CDADC1: variants seen among roughly 807,000 people sequenced by gnomAD.
CDADC1 encodes cytidine and dCMP deaminase domain containing 1.
Under a neutral mutation model 54.9 loss-of-function variants are expected in CDADC1, and 39 were observed. The observed-to-expected ratio is 0.71, with a 90% CI of 0.55 to 0.93. The LOEUF is 0.93. Ranked by LOEUF, CDADC1 falls within the 40% of genes least tolerant of loss-of-function variation. The pLI, the probability that CDADC1 is intolerant of heterozygous loss-of-function variation, is 0.00. For missense variants in CDADC1, 518 were observed against 618.8 expected (o/e 0.84, Z 1.73); for synonymous variants, 186 against 204.0 (o/e 0.91, Z 0.75).
At chr13:49,274,665 C>T (rs529994275) in intron 6 of CDADC1, among the ~76,000 whole-genome samples, 4 of 151,052 alleles carry the variant, frequency 2.6e-5, no homozygotes, top group East Asian at 1.9e-4. Context: ...AGCGAGACTC[C>T]GTCTCAAAAA....
At chr13:49,263,620 A>G (rs1273227228) in intron 4 of CDADC1, among the ~76,000 whole-genome samples, 3 of 152,232 alleles carry the variant, frequency 2.0e-5, no homozygotes, top group Non-Finnish European at 2.9e-5. Flanking sequence ...GGCTGTTAAA[A>G]TACTCCTTTT....
At chr13:49,275,010 G>A (rs756434495) in intron 6 of CDADC1, among the ~76,000 whole-genome samples, 11 of 151,760 alleles carry the variant, frequency 7.2e-5, no homozygotes, top group Non-Finnish European at 1.5e-4. Flanking sequence ...TAATATTCTT[G>A]AAGAATAAGA....
chr13:49,291,559 GATAAA>G, intron 9 of CDADC1, 120 bp from the exon 10 acceptor site: 1 of 798,400 alleles, frequency 1.3e-6, no homozygotes, highest in South Asian at 2.3e-5. Flanking sequence ...AGAATTTGAA[GATAAA>G]ATAAAGTGAA....
intron 4 of CDADC1, among the ~76,000 whole-genome samples, chr13:49,265,621 A>G (rs1952797146): frequency 6.6e-6 from 1 of 152,128 alleles, no homozygotes. Flanking sequence ...TCATAAAGCT[A>G]ATGTTATTTA....
rs1330980727 is a variant in CDADC1 at position 49,286,207 on chromosome 13, T to G, written c.1411-15T>G. On this transcript the variant is annotated splice_polypyrimidine_tract_variant and intron_variant, in intron 8 of 9. Coordinates refer to ENST00000251108, the MANE Select transcript of CDADC1 (RefSeq NM_030911.4). ...ATCCTCTTTAAACAAGTAAAATGTT[T>G]GTGCACTCTTACAGTGGCAGCTGAA... 6.2e-7 allele frequency: 1 copy of G among 1,605,886 alleles called. No individual in the cohort carries two copies. The highest frequency in any genetic ancestry group is 1.7e-5 in the Admixed American group (1 of 59,894).
At chr13:49,279,822 T>C (rs1953264654) in intron 7 of CDADC1, among the ~76,000 whole-genome samples, 1 of 152,178 alleles carries the variant, frequency 6.6e-6, no homozygotes, top group South Asian at 2.1e-4. Flanking sequence ...CAGTTGTTAG[T>C]CCTAAACTAC....
intron 9 of CDADC1, among the ~76,000 whole-genome samples, chr13:49,289,374 C>T (rs147707937): frequency 6.0e-4 from 92 of 152,102 alleles, no homozygotes; most frequent in African/African-American, 2.1e-3. Flanking sequence ...GTGATCTGCC[C>T]GCCTTGGCCT....
intron 4 of CDADC1, chr13:49,265,892 A>G: frequency 7.7e-7 from 1 of 1,303,094 alleles, no homozygotes; most frequent in South Asian, 1.2e-5. Context: ...TACTGGAAGC[A>G]GCTAAGATGC....
At position 49,292,501 on chromosome 13, in the gene CDADC1, G is replaced by C. The variant is rs1953740987; in HGVS notation, c.*744G>C. On this transcript the variant is annotated 3_prime_UTR_variant, in exon 10 of 10. Coordinates refer to ENST00000251108, the MANE Select transcript of CDADC1 (RefSeq NM_030911.4). ...AAGAAATATTTGAGTCTGGAATATT[G>C]AAACTAGCTTTCCTAGAATTCCATT... 9.7e-7 allele frequency: 1 copy of C among 1,034,628 alleles called. No individual in the cohort carries two copies. The highest frequency in any genetic ancestry group is 1.7e-5 in the African/African-American group (1 of 58,348). 64.1% of individuals were successfully genotyped at this position (1,034,628 alleles called of 1,614,324 possible).
At chr13:49,267,419 G>T in intron 4 of CDADC1, 71 bp from the exon 5 acceptor site, 2 of 1,200,586 alleles carry the variant, frequency 1.7e-6, no homozygotes, top group Non-Finnish European at 2.4e-6. Flanking sequence ...GCAATGATAG[G>T]GTGGATTTTA....
At position 49,278,399 on chromosome 13, in the gene CDADC1, AT is replaced by A; in HGVS notation, c.1101del (p.Asn367LysfsTer24). 1.2e-6 allele frequency: 2 copies of A among 1,602,388 alleles called. No individual in the cohort carries two copies. Among genetic ancestry groups the A allele is most frequent in the South Asian group, 2.2e-5 (2 of 89,964 alleles). ...GAMYFVGCGY[N>X]AFPVGSEYAD... ...ATGTACTTTGTAGGATGTGGTTACA[AT>A]GCTTTTCCTGTTGGATCTGAGTATG... is the stretch of plus-strand genomic sequence containing the variant. On this transcript the variant is annotated frameshift_variant, in exon 7 of 10. Coordinates refer to ENST00000251108, the MANE Select transcript of CDADC1 (RefSeq NM_030911.4). LOFTEE classifies it high-confidence loss of function.
intron 3 of CDADC1, among the ~76,000 whole-genome samples, chr13:49,258,623 C>A (rs1952603218): frequency 6.6e-6 from 1 of 152,204 alleles, no homozygotes; most frequent in Non-Finnish European, 1.5e-5. Flanking sequence ...CCAGTCCCTG[C>A]TCTGTGGAAT....
rs147933753 is a variant in CDADC1 at position 49,267,762 on chromosome 13, A to G, written c.703A>G (p.Arg235Gly). ...TDFYYECKQE[R>G]IKEYEMLFLV... The stretch of plus-strand genomic sequence containing the variant: ...CTTTTATTATGAATGTAAACAAGAA[A>G]GAATAAAAGAATATGAAATGTTATT... The change falls in exon 5 of 10, where the codon AGA becomes GGA. Residue 235 changes from arginine (R) to glycine (G), a missense_variant. Physicochemically the swap from Arg to Gly is moderately radical, Grantham distance 125. Transcript: ENST00000251108. The G allele has an allele frequency of 4.3e-6, 7 of 1,611,386 alleles. No homozygotes were observed. In the East Asian group the frequency reaches 1.3e-4, roughly 31 times the overall value.
At chr13:49,288,930 C>T (rs1022846591) in intron 9 of CDADC1, among the ~76,000 whole-genome samples, 4 of 151,962 alleles carry the variant, frequency 2.6e-5, no homozygotes, top group African/African-American at 9.7e-5. Context: ...CAATAGTAAG[C>T]GAACACAATA....
rs374242792 is a variant in CDADC1 at position 49,255,946 on chromosome 13, A to G, written c.252+33A>G. On this transcript the variant is annotated intron_variant, in intron 3 of 9. Transcript: ENST00000251108. ...TTTATGATTTCACATATATATGCTC[A>G]TAATAACAAAGCAAAAGGAATAGTA... 1.1e-5 allele frequency: 18 copies of G among 1,594,464 alleles called. No homozygotes were observed. In the African/African-American group the frequency reaches 2.2e-4, roughly 19 times the overall value.
intron 8 of CDADC1, among the ~76,000 whole-genome samples, chr13:49,283,964 C>A (rs1171397991): frequency 1.3e-5 from 2 of 152,140 alleles, no homozygotes; most frequent in East Asian, 1.9e-4. Flanking sequence ...CCAAGATTAT[C>A]AAAAATAGTG....
At chr13:49,261,018 T>C (rs1952671192) in intron 4 of CDADC1, among the ~76,000 whole-genome samples, 1 of 152,322 alleles carries the variant, frequency 6.6e-6, no homozygotes, top group Non-Finnish European at 1.5e-5. Context: ...AGCAAAGTTC[T>C]AGGGGTCAGT....
intron 6 of CDADC1, among the ~76,000 whole-genome samples, chr13:49,277,211 C>T (rs914893774): frequency 1.3e-5 from 2 of 151,172 alleles, no homozygotes; most frequent in African/African-American, 4.9e-5. Flanking sequence ...GTGGCTCATG[C>T]CTGTAATCCA....
At chr13:49,281,926 T>TC (rs1953350963) in intron 8 of CDADC1, among the ~76,000 whole-genome samples, 1 of 56,626 alleles carries the variant, frequency 1.8e-5, no homozygotes, top group Non-Finnish European at 3.7e-5. Flanking sequence ...CCCACCCCCC[T>TC]CCCCCCACCC....
Sources: allele counts gnomAD v4.1 joint callset (sites outside exome capture counted in the v4.1 genomes callset), GRCh38; gene constraint gnomAD v4.1.1; transcripts MANE v1.5; gene names NCBI Gene and HGNC (gene_info 2026-07-23, HGNC 2026-07-21).